Variants in CYTH1 observed in about 807,000 individuals in gnomAD.
The protein encoded by CYTH1 is cytohesin-1.
In CYTH1, 18 loss-of-function variants were observed where a neutral mutation model predicts 61.8. The ratio of observed to expected loss-of-function variants is 0.29; its 90% CI spans 0.20 to 0.43. The LOEUF (loss-of-function observed/expected upper bound fraction) is 0.43. CYTH1 is among the 20% of genes least tolerant of loss of function. The probability of loss-of-function intolerance (pLI) is 1.00; values close to 1 mark genes in which losing one functional copy is unlikely to be tolerated. For missense variants in CYTH1, 336 were observed against 510.5 expected (o/e 0.66, Z 3.29); for synonymous variants, 174 against 184.3 (o/e 0.94, Z 0.45).
In CYTH1 at chr17:78,702,061, G is replaced by C. The variant is rs1217975891; in HGVS notation, c.356+61C>G. On this transcript the variant is annotated intron_variant, in intron 5 of 13. Coordinates refer to ENST00000446868, the MANE Select transcript of CYTH1 (RefSeq NM_004762.6). The stretch of plus-strand genomic sequence containing the variant: ...AGAACTTCAGAGTATTTGGGAGTTT[G>C]TTTCTTTGTGTCGTTCCTGAACAGC... 5 of 1,360,302 alleles carry C rather than the reference G, an allele frequency of 3.7e-6. No homozygotes were observed. The East Asian group carries it at 1.1e-4, about 31-fold the overall frequency. The allele number at this position is 1,360,302 out of a possible 1,614,324, so 84.3% of individuals were successfully genotyped here. A position where few individuals can be genotyped will look rare whatever the true frequency, so the allele number is the denominator to read the frequency against.
rs2092682003 is a variant in CYTH1, at chr17:78,674,938, G to C, written c.*1153C>G. The C allele has an allele frequency of 6.5e-6, 1 of 153,486 alleles. No individual in the cohort carries two copies. Among genetic ancestry groups the C allele is most frequent in the Admixed American group, 6.5e-5 (1 of 15,302 alleles). The allele number at this position is 153,486 out of a possible 1,614,324, so 9.5% of individuals were successfully genotyped here. The stretch of plus-strand genomic sequence containing the variant: ...CAGCCCGGCCACCCCCCTCACTCCA[G>C]TGCACCCCACGGAGCAGATAAAGGC... On this transcript the variant is annotated 3_prime_UTR_variant, in exon 14 of 14. Transcript: ENST00000446868.
In CYTH1 at chr17:78,707,563, C is replaced by T. The variant is rs761113617; in HGVS notation, c.170+634G>A. Among the ~76,000 whole-genome samples the T allele has an allele frequency of 2.0e-5, 3 of 151,958 alleles. No individual in the cohort carries two copies. In the East Asian group the frequency reaches 5.8e-4, roughly 29 times the overall value. On this transcript the variant is annotated intron_variant, in intron 3 of 13. Coordinates refer to ENST00000446868, the MANE Select transcript of CYTH1 (RefSeq NM_004762.6). The stretch of plus-strand genomic sequence containing the variant: ...GCATTCATTAAGCTTTTCCTTTACA[C>T]AAAGGAAAAACAGAAACTTTAAAAT...
At position 78,717,905 on chromosome 17, in the gene CYTH1, T is replaced by A. The variant is rs2093195589; in HGVS notation, c.23-8173A>T. On this transcript the variant is annotated intron_variant, in intron 1 of 13. Coordinates refer to ENST00000446868, the MANE Select transcript of CYTH1 (RefSeq NM_004762.6). The surrounding 1 kb of genome is among the most constrained non-coding windows in gnomAD (Gnocchi z 4.4). ...TCTGCCTAGCTTTCAAATACATCAC[T>A]TGCCTTATTTTTTTCCACTATAATG... Among the ~76,000 whole-genome samples, 1 of 152,116 alleles carries A rather than the reference T, an allele frequency of 6.6e-6. No individual in the cohort carries two copies. The highest frequency in any genetic ancestry group is 6.5e-5 in the Admixed American group (1 of 15,274).
chr17:78,702,667 A>G, intron 3 of CYTH1, 63 bp from the exon 4 acceptor site: 1 of 1,515,506 alleles, frequency 6.6e-7, no homozygotes, highest in Non-Finnish European at 9.2e-7. Context: ...TGAAAGACTA[A>G]TATGATTTCC....
intron 1 of CYTH1, among the ~76,000 whole-genome samples, chr17:78,750,266 TATCAAAACA>T (rs2093374890): frequency 6.6e-6 from 1 of 152,190 alleles, no homozygotes; most frequent in African/African-American, 2.4e-5. Flanking sequence ...GGAAGGCTGA[TATCAAAACA>T]TTCAAAACAT....
chr17:78,777,153 C>T (rs1231778398), intron 1 of CYTH1, among the ~76,000 whole-genome samples: 1 of 149,368 alleles, frequency 6.7e-6, no homozygotes, highest in Non-Finnish European at 1.5e-5. Context: ...AGGCCGGGCG[C>T]GGTGGCTCAC....
chr17:78,718,530 T>A (rs2093202324), intron 1 of CYTH1, among the ~76,000 whole-genome samples: 1 of 152,204 alleles, frequency 6.6e-6, no homozygotes, highest in Admixed American at 6.5e-5. Context: ...ATTCAGCACT[T>A]ACTCGCCACA....
At chr17:78,724,639 A>G (rs1263585261) in intron 1 of CYTH1, among the ~76,000 whole-genome samples, 1 of 152,222 alleles carries the variant, frequency 6.6e-6, no homozygotes, top group East Asian at 1.9e-4. Flanking sequence ...TGTCCTGGTT[A>G]AGAACCATTG....
chr17:78,681,665 G>C (rs962424059), intron 11 of CYTH1, among the ~76,000 whole-genome samples: 17 of 152,088 alleles, frequency 1.1e-4, no homozygotes, highest in African/African-American at 4.1e-4. Flanking sequence ...GCACACGCCT[G>C]ACGGCAGTTT....
chr17:78,747,145 C>CAAAAAAAAAAAAAAA (rs56201341), intron 1 of CYTH1, among the ~76,000 whole-genome samples: 14 of 57,830 alleles, frequency 2.4e-4, no homozygotes, highest in Non-Finnish European at 3.3e-4. Flanking sequence ...ATGGCAGCGC[C>CAAAAAAAAAAAAAAA]AAAAAAAAAA....
intron 3 of CYTH1, among the ~76,000 whole-genome samples, chr17:78,706,440 G>A (rs2093067588): frequency 6.6e-6 from 1 of 152,202 alleles, no homozygotes; most frequent in Non-Finnish European, 1.5e-5. Flanking sequence ...CAATGTTCGT[G>A]AGATTCATCC....
intron 11 of CYTH1, among the ~76,000 whole-genome samples, chr17:78,683,141 T>A (rs936087909): frequency 6.6e-6 from 1 of 152,224 alleles, no homozygotes; most frequent in African/African-American, 2.4e-5. Context: ...AGGATTTTTT[T>A]TTATTATTTT....
chr17:78,680,194 T>C lies in CYTH1; in HGVS notation c.1114A>G (p.Ile372Val), dbSNP rs1209704476. Residue 372 changes from isoleucine (I) to valine (V), a missense_variant, in exon 13 of 14, where the codon ATT becomes GTT. Ile to Val is a conservative substitution (Grantham distance 29). Transcript: ENST00000446868. ...PEEKEEWIKC[I>V]KAAISRDPFY... ...CCTTTCTCAGCAGTCACTTACTTAATGCACTTAATCCACTCCTCCTTCTCC... is the reference window on the plus strand; with the variant it reads ...CCTTTCTCAGCAGTCACTTACTTAACGCACTTAATCCACTCCTCCTTCTCC... 1.2e-6 allele frequency: 2 copies of C among 1,614,158 alleles called. No homozygotes were observed. The highest frequency in any genetic ancestry group is 8.5e-7 in the Non-Finnish European group (1 of 1,180,000).
chr17:78,692,952 C>A (rs1323983671), intron 10 of CYTH1, among the ~76,000 whole-genome samples: 1 of 152,122 alleles, frequency 6.6e-6, no homozygotes, highest in East Asian at 1.9e-4. Context: ...AAGGAGGAAG[C>A]AGGAGGGGAG....
chr17:78,744,472 C>A (rs995905919), intron 1 of CYTH1, among the ~76,000 whole-genome samples: 1 of 152,182 alleles, frequency 6.6e-6, no homozygotes, highest in Admixed American at 6.5e-5. Flanking sequence ...AGAACATCTG[C>A]AAGGTGGGGT....
At position 78,760,256 on chromosome 17, in the gene CYTH1, T is replaced by A. The variant is rs181103480; in HGVS notation, c.22+21946A>T. 3.1e-3 allele frequency among the ~76,000 whole-genome samples: 470 copies of A among 150,190 alleles called. 1 individual carries two copies. The highest frequency in any genetic ancestry group is 0.011 in the African/African-American group (433 of 40,768). Reference sequence around the variant, plus strand: ...GGAACGGAAAATACATGGTTGAATTTTACAAATTTAGACATATAAAGCTAA... The same window carrying A: ...GGAACGGAAAATACATGGTTGAATTATACAAATTTAGACATATAAAGCTAA... On this transcript the variant is annotated intron_variant, in intron 1 of 13. Transcript: ENST00000446868.
At chr17:78,707,595 C>A (rs116030784) in intron 3 of CYTH1, among the ~76,000 whole-genome samples, 148 of 152,010 alleles carry the variant, frequency 9.7e-4, no homozygotes, top group African/African-American at 3.5e-3. Flanking sequence ...AAATGCACAC[C>A]GACAGTGGAC....
chr17:78,771,452 G>A (rs930477381), intron 1 of CYTH1, among the ~76,000 whole-genome samples: 25 of 151,894 alleles, frequency 1.6e-4, no homozygotes, highest in African/African-American at 5.6e-4. Flanking sequence ...AAAAAAGAAG[G>A]CCAGGTGCGG....
intron 1 of CYTH1, among the ~76,000 whole-genome samples, chr17:78,755,144 C>T (rs1453783985): frequency 1.3e-5 from 2 of 152,046 alleles, no homozygotes; most frequent in African/African-American, 4.8e-5. Flanking sequence ...CAACTGATAC[C>T]CCCAACAATG....
Sources: allele counts gnomAD v4.1 joint callset (sites outside exome capture counted in the v4.1 genomes callset), GRCh38; gene constraint gnomAD v4.1.1; non-coding constraint Gnocchi (gnomAD v3.1); transcripts MANE v1.5; gene names NCBI Gene and HGNC (gene_info 2026-07-23, HGNC 2026-07-21).